Variants in CLSTN2 observed in about 807,000 individuals in gnomAD.
CLSTN2 encodes calsyntenin 2.
Under a neutral mutation model 101.2 loss-of-function variants are expected in CLSTN2, and 48 were observed. The ratio of observed to expected loss-of-function variants is 0.47; its 90% CI spans 0.38 to 0.60. The LOEUF (loss-of-function observed/expected upper bound fraction) is 0.60. Ranked by LOEUF, CLSTN2 falls within the 20% of genes least tolerant of loss-of-function variation. CLSTN2 has a pLI of 0.00. For synonymous variants in CLSTN2, 481 were observed against 463.6 expected, an observed-to-expected ratio of 1.04 and a Z score of -0.48; for missense variants, 1,160 against 1,238.2, an observed-to-expected ratio of 0.94 and a Z score of 0.95.
chr3:140,388,239 TTAAC>T (rs934489031), intron 2 of CLSTN2, among the ~76,000 whole-genome samples: 17 of 152,258 alleles, frequency 1.1e-4, no homozygotes, highest in African/African-American at 3.9e-4. Context: ...GGGTTTTTAA[TTAAC>T]TGACTGTAAA....
chr3:140,539,116 C>T (rs541080984), intron 9 of CLSTN2, among the ~76,000 whole-genome samples: 16 of 150,682 alleles, frequency 1.1e-4, no homozygotes, highest in African/African-American at 3.7e-4. Flanking sequence ...TCCTTGACTT[C>T]AGGATCTATA....
At chr3:139,998,336 C>CTTTTTTTTTTTTTGTTTTTTT (rs2006730267) in intron 1 of CLSTN2, among the ~76,000 whole-genome samples, 1 of 66,814 alleles carries the variant, frequency 1.5e-5, no homozygotes, top group Non-Finnish European at 2.4e-5. Context: ...CCCCACATGC[C>CTTTTTTTTTTTTTGTTTTTTT]TTTTTTTTTT....
chr3:140,379,632 C>A (rs1018479240), intron 2 of CLSTN2, among the ~76,000 whole-genome samples: 1 of 152,268 alleles, frequency 6.6e-6, no homozygotes, highest in African/African-American at 2.4e-5. Context: ...AACACAGCAT[C>A]AATTTTAAAA....
At chr3:140,453,581 A>G (rs949986123) in intron 6 of CLSTN2, among the ~76,000 whole-genome samples, 10 of 152,208 alleles carry the variant, frequency 6.6e-5, no homozygotes, top group African/African-American at 2.4e-4. Flanking sequence ...ACTGTATTGT[A>G]TATTTCAAAA....
chr3:140,438,100 T>C (rs554138885), intron 5 of CLSTN2, among the ~76,000 whole-genome samples: 41 of 152,318 alleles, frequency 2.7e-4, no homozygotes, highest in African/African-American at 9.6e-4. Context: ...TTTAATGCAA[T>C]GGCAATTAGT....
intron 2 of CLSTN2, among the ~76,000 whole-genome samples, chr3:140,297,672 C>T (rs542852184): frequency 1.2e-4 from 18 of 152,180 alleles, no homozygotes; most frequent in Non-Finnish European, 2.6e-4. Flanking sequence ...GGGCTGGATT[C>T]GACCTGTGGG....
At chr3:140,522,800 A>G (rs1935058204) in intron 8 of CLSTN2, among the ~76,000 whole-genome samples, 2 of 152,094 alleles carry the variant, frequency 1.3e-5, no homozygotes, top group African/African-American at 4.8e-5. Context: ...ATTTTTATTC[A>G]GCTCTTTTTC....
chr3:140,465,078 C>G (rs1307427259), intron 7 of CLSTN2, among the ~76,000 whole-genome samples: 1 of 152,188 alleles, frequency 6.6e-6, no homozygotes, highest in Non-Finnish European at 1.5e-5. Context: ...AGGCTTTCAG[C>G]TGCAAGGAGT....
chr3:140,509,196 A>G (rs1057268728), intron 8 of CLSTN2, among the ~76,000 whole-genome samples: 4 of 152,218 alleles, frequency 2.6e-5, no homozygotes, highest in African/African-American at 9.6e-5. Context: ...GGTCCCTGAG[A>G]TAGCCATAGG....
At chr3:140,089,696 G>A (rs191326246) in intron 1 of CLSTN2, among the ~76,000 whole-genome samples, 38 of 151,316 alleles carry the variant, frequency 2.5e-4, no homozygotes, top group African/African-American at 8.0e-4. Context: ...TACTGCAGAC[G>A]TGACTTCCCA....
At chr3:140,376,891 C>T (rs1300769942) in intron 2 of CLSTN2, among the ~76,000 whole-genome samples, 3 of 152,192 alleles carry the variant, frequency 2.0e-5, no homozygotes, top group Admixed American at 2.0e-4. Flanking sequence ...TGTCCCTGCC[C>T]TCTGAAGTGA....
intron 2 of CLSTN2, among the ~76,000 whole-genome samples, chr3:140,220,342 T>TG (rs1459190110): frequency 2.0e-5 from 3 of 152,210 alleles, no homozygotes; most frequent in Admixed American, 1.3e-4. Flanking sequence ...GTAATGCTGG[T>TG]GGGGGCAGAG....
At chr3:140,490,819 G>A (rs1311145633) in intron 8 of CLSTN2, among the ~76,000 whole-genome samples, 1 of 152,144 alleles carries the variant, frequency 6.6e-6, no homozygotes, top group African/African-American at 2.4e-5. Context: ...CAGCTGTGAT[G>A]TCTAGTACCT....
chr3:140,067,773 T>C (rs945230482), intron 1 of CLSTN2, among the ~76,000 whole-genome samples: 1 of 152,228 alleles, frequency 6.6e-6, no homozygotes, highest in Non-Finnish European at 1.5e-5. Context: ...GTTTTGATGC[T>C]GATATTTTTG....
At chr3:140,182,443 A>T (rs2010422848) in intron 2 of CLSTN2, among the ~76,000 whole-genome samples, 1 of 152,196 alleles carries the variant, frequency 6.6e-6, no homozygotes, top group East Asian at 1.9e-4. Context: ...CTTCAGGATC[A>T]TGGGCACAGG....
chr3:140,187,750 A>T (rs992143330), intron 2 of CLSTN2, among the ~76,000 whole-genome samples: 1 of 151,594 alleles, frequency 6.6e-6, no homozygotes, highest in African/African-American at 2.4e-5. Context: ...CTGTCCACTC[A>T]CTCCTCCTCT....
intron 2 of CLSTN2, among the ~76,000 whole-genome samples, chr3:140,333,859 G>C (rs6784752): frequency 0.032 from 4,948 of 152,268 alleles, 114 homozygotes; most frequent in Middle Eastern, 0.085. Context: ...ACTGACCCCA[G>C]AAATATTTGC....
intron 1 of CLSTN2, among the ~76,000 whole-genome samples, chr3:140,002,356 T>C (rs1469563917): frequency 6.6e-6 from 1 of 152,242 alleles, no homozygotes; most frequent in Non-Finnish European, 1.5e-5. Flanking sequence ...CATTTGTATG[T>C]CTTCTTTTGA....
chr3:139,960,695 C>A (rs565465010), intron 1 of CLSTN2, among the ~76,000 whole-genome samples: 1 of 152,288 alleles, frequency 6.6e-6, no homozygotes, highest in Non-Finnish European at 1.5e-5. Context: ...GAGATAGGTT[C>A]AACCATGTTA....
Sources: gnomAD v4.1 joint callset for allele counts (sites outside exome capture counted in the v4.1 genomes callset) on GRCh38, gnomAD v4.1.1 for gene constraint, MANE v1.5 for transcripts, NCBI Gene and HGNC (gene_info 2026-07-23, HGNC 2026-07-21) for gene names.